TRIM71: variants seen among roughly 807,000 people sequenced by gnomAD.
TRIM71 encodes E3 ubiquitin-protein ligase TRIM71.
In TRIM71, 9 loss-of-function variants were observed where a neutral mutation model predicts 61.2. The ratio of observed to expected loss-of-function variants is 0.15; its 90% CI spans 0.09 to 0.26. The LOEUF (loss-of-function observed/expected upper bound fraction) is 0.26. TRIM71 is among the 10% of genes least tolerant of loss of function. TRIM71 has a pLI of 1.00. For missense variants in TRIM71, 998 were observed against 1,238.7 expected (o/e 0.81, Z 2.92); for synonymous variants, 645 against 553.2 (o/e 1.17, Z -2.33).
At chr3:32,866,304 A>G (rs1026884782) in intron 1 of TRIM71, among the ~76,000 whole-genome samples, 15 of 151,698 alleles carry the variant, frequency 9.9e-5, no homozygotes, top group African/African-American at 3.4e-4. Flanking sequence ...GCTGGAGTGC[A>G]GTGGCGTGAT....
chr3:32,881,416 C>G (rs187930424), intron 2 of TRIM71, among the ~76,000 whole-genome samples: 275 of 152,246 alleles, frequency 1.8e-3, no homozygotes, highest in African/African-American at 5.5e-3. Context: ...ACCTTCTGAC[C>G]GTTGGGCTCT....
At chr3:32,837,876 A>G (rs537862527) in intron 1 of TRIM71, among the ~76,000 whole-genome samples, 2 of 152,174 alleles carry the variant, frequency 1.3e-5, no homozygotes, top group Admixed American at 1.3e-4. Flanking sequence ...CCCAGATTCT[A>G]TCTCTTCTGT....
At chr3:32,874,421 T>C (rs1696833302) in intron 2 of TRIM71, among the ~76,000 whole-genome samples, 1 of 149,906 alleles carries the variant, frequency 6.7e-6, no homozygotes, top group South Asian at 2.1e-4. Flanking sequence ...GGAGTGCAGT[T>C]GTGTGATCTC....
At chr3:32,871,808 T>C (rs1317646605) in intron 1 of TRIM71, among the ~76,000 whole-genome samples, 2 of 152,200 alleles carry the variant, frequency 1.3e-5, no homozygotes, top group Non-Finnish European at 2.9e-5. Flanking sequence ...GTGATCAAAA[T>C]TAGTAGGAAA....
At chr3:32,852,990 T>G (rs1342272300) in intron 1 of TRIM71, among the ~76,000 whole-genome samples, 1 of 152,186 alleles carries the variant, frequency 6.6e-6, no homozygotes, top group African/African-American at 2.4e-5. Context: ...TTACTATAGA[T>G]TTGGTTACCA....
intron 1 of TRIM71, among the ~76,000 whole-genome samples, chr3:32,829,514 G>A (rs1696241731): frequency 6.6e-6 from 1 of 152,164 alleles, no homozygotes; most frequent in Non-Finnish European, 1.5e-5. Flanking sequence ...ATTGTGTGGG[G>A]GCTGGGGAGA....
chr3:32,890,507 G>T lies in TRIM71; in HGVS notation c.1303G>T (p.Asp435Tyr). 1 of 1,614,188 alleles carries T rather than the reference G, an allele frequency of 6.2e-7. No individual in the cohort carries two copies. The highest frequency in any genetic ancestry group is 1.1e-5 in the South Asian group (1 of 91,080). The change falls in exon 4 of 4, where the codon GAC becomes TAC. Residue 435 changes from aspartate (D) to tyrosine (Y), a missense_variant. Asp to Tyr is a radical substitution (Grantham distance 160, BLOSUM62 -3). Transcript: ENST00000383763. This position sits in a 1 kb window ranked among gnomAD's most constrained non-coding sequence, Gnocchi z 6.2. Reference protein sequence around the residue: ...GRALDILLARDRMLAQVQELK... With the variant: ...GRALDILLARYRMLAQVQELK... ...AGCGCTAGACATCCTACTGGCCCGA[G>T]ACCGGATGCTGGCCCAGGTGCAGGA...
intron 1 of TRIM71, among the ~76,000 whole-genome samples, chr3:32,861,873 C>G (rs1443560404): frequency 6.6e-6 from 1 of 151,218 alleles, no homozygotes; most frequent in Non-Finnish European, 1.5e-5. Context: ...TCTTCCACAC[C>G]CCCACACCCC....
chr3:32,861,375 A>G (rs931704655), intron 1 of TRIM71, among the ~76,000 whole-genome samples: 7 of 149,210 alleles, frequency 4.7e-5, no homozygotes, highest in Admixed American at 2.0e-4. Flanking sequence ...CAGGTGATCC[A>G]CCTACCTTGG....
intron 1 of TRIM71, among the ~76,000 whole-genome samples, chr3:32,851,817 G>C (rs1235700601): frequency 6.6e-6 from 1 of 152,200 alleles, no homozygotes; most frequent in Non-Finnish European, 1.5e-5. Context: ...CAGTTCTACT[G>C]TGTGACATTA....
At chr3:32,857,065 G>A (rs1426267042) in intron 1 of TRIM71, among the ~76,000 whole-genome samples, 1 of 152,262 alleles carries the variant, frequency 6.6e-6, no homozygotes, top group East Asian at 1.9e-4. Context: ...TTGTGTCCTG[G>A]CCTCCTTCCA....
At chr3:32,859,030 A>C (rs1696636878) in intron 1 of TRIM71, among the ~76,000 whole-genome samples, 1 of 152,178 alleles carries the variant, frequency 6.6e-6, no homozygotes, top group East Asian at 1.9e-4. Flanking sequence ...TTTATAGGGC[A>C]GAAGTGTGGG....
chr3:32,874,652 A>G (rs1047362919), intron 2 of TRIM71, among the ~76,000 whole-genome samples: 1 of 151,716 alleles, frequency 6.6e-6, no homozygotes, highest in Admixed American at 6.6e-5. Context: ...CCTCCCGAGT[A>G]GCTGGGACTA....
chr3:32,868,972 G>T (rs1364140284), intron 1 of TRIM71, among the ~76,000 whole-genome samples: 6 of 152,174 alleles, frequency 3.9e-5, no homozygotes, highest in Non-Finnish European at 8.8e-5. Context: ...CTGCAGATTT[G>T]AGCACAAGCA....
At position 32,891,466 on chromosome 3, in the gene TRIM71, C is replaced by G. The variant is rs752358163; in HGVS notation, c.2262C>G (p.Ala754=). Residue 754 remains alanine, a synonymous_variant, in exon 4 of 4, where the codon GCC becomes GCG. Transcript: ENST00000383763. The surrounding 1 kb of genome is among the most constrained non-coding windows in gnomAD (Gnocchi z 8.2). ...WKHFDSPRGV[A]FNHEGHLVVT... ...ACTTTGACTCCCCACGGGGTGTGGC[C>G]TTCAACCATGAGGGCCACTTGGTGG... 6.2e-7 allele frequency: 1 copy of G among 1,613,772 alleles called. No individual in the cohort carries two copies. Among genetic ancestry groups the G allele is most frequent in the Non-Finnish European group, 8.5e-7 (1 of 1,179,998 alleles).
At chr3:32,874,366 CT>C (rs1696832415) in intron 2 of TRIM71, among the ~76,000 whole-genome samples, 5 of 108,692 alleles carry the variant, frequency 4.6e-5, no homozygotes, top group African/African-American at 9.3e-5. Flanking sequence ...ACTACTACTA[CT>C]ACAACATATT....
At chr3:32,845,431 C>T (rs565436037) in intron 1 of TRIM71, among the ~76,000 whole-genome samples, 1 of 152,316 alleles carries the variant, frequency 6.6e-6, no homozygotes, top group South Asian at 2.1e-4. Context: ...CTGAGCAGCT[C>T]CTGCCACCAC....
rs1697015095 is a variant in TRIM71, at chr3:32,890,702, G to A, written c.1498G>A (p.Gly500Ser). 6.2e-7 allele frequency: 1 copy of A among 1,614,060 alleles called. No homozygotes were observed. Among genetic ancestry groups the A allele is most frequent in the Non-Finnish European group, 8.5e-7 (1 of 1,180,030 alleles). Residue 500 changes from glycine to serine, a missense_variant, in exon 4 of 4, where the codon GGT (glycine) becomes AGT (serine). Gly to Ser is a moderately conservative substitution (Grantham distance 56). Around this residue, in one of 5 missense-constraint regions of TRIM71, gnomAD observed 291 missense variants for 431.2 expected, o/e 0.67. Transcript: ENST00000383763. This position sits in a 1 kb window ranked among gnomAD's most constrained non-coding sequence, Gnocchi z 6.2. ...TGDGLKRALQ[G>S]KVASFTVIGY... Reference sequence around the variant, plus strand: ...CGATGGCCTCAAGCGTGCCCTCCAGGGTAAGGTGGCCTCCTTCACAGTCAT... The same window carrying A: ...CGATGGCCTCAAGCGTGCCCTCCAGAGTAAGGTGGCCTCCTTCACAGTCAT...
At chr3:32,852,904 AAC>A (rs1306688526) in intron 1 of TRIM71, among the ~76,000 whole-genome samples, 11 of 152,172 alleles carry the variant, frequency 7.2e-5, no homozygotes, top group Non-Finnish European at 1.2e-4. Context: ...TAGCTACACA[AAC>A]ACACCCCAGT....
Sources: gnomAD v4.1 joint callset for allele counts (sites outside exome capture counted in the v4.1 genomes callset) on GRCh38, gnomAD v4.1.1 for gene constraint, gnomAD v4.1.1 regional missense constraint, Gnocchi (gnomAD v3.1) non-coding constraint, MANE v1.5 for transcripts, NCBI Gene and HGNC (gene_info 2026-07-23, HGNC 2026-07-21) for gene names.